UCHL3: variants seen among roughly 807,000 people sequenced by gnomAD.
The protein encoded by UCHL3 is ubiquitin C-terminal hydrolase L3, also known as ubiquitin carboxyl-terminal hydrolase isozyme L3.
Under a neutral mutation model 35.8 loss-of-function variants are expected in UCHL3, and 22 were observed. The ratio of observed to expected loss-of-function variants is 0.61; its 90% CI spans 0.44 to 0.88. The LOEUF (loss-of-function observed/expected upper bound fraction) is 0.88, where lower values mean the gene tolerates loss of function less well. Among genes scored for constraint, UCHL3 ranks in the 40% least tolerant of loss-of-function variants. UCHL3 has a pLI of 0.00. For missense variants in UCHL3, 229 were observed against 276.9 expected (o/e 0.83, Z 1.23); for synonymous variants, 90 against 92.8 (o/e 0.97, Z 0.17).
intron 7 of UCHL3, among the ~76,000 whole-genome samples, chr13:75,598,491 T>G (rs1017624254): frequency 3.9e-5 from 6 of 152,234 alleles, no homozygotes; most frequent in Admixed American, 3.9e-4. Context: ...GTCATGTTTC[T>G]TTGTCTTCTT....
At chr13:75,577,553 C>G (rs1199300204) in intron 6 of UCHL3, among the ~76,000 whole-genome samples, 1 of 152,274 alleles carries the variant, frequency 6.6e-6, no homozygotes, top group African/African-American at 2.4e-5. Context: ...TGTGTATTCA[C>G]TCCAACTGAG....
intron 3 of UCHL3, among the ~76,000 whole-genome samples, chr13:75,563,357 A>G (rs1257207517): frequency 6.6e-6 from 1 of 152,000 alleles, no homozygotes; most frequent in East Asian, 1.9e-4. Flanking sequence ...TTGTATTTTT[A>G]GTAGAGACAG....
At chr13:75,563,111 G>C (rs996879799) in intron 3 of UCHL3, among the ~76,000 whole-genome samples, 1 of 150,582 alleles carries the variant, frequency 6.6e-6, no homozygotes, top group Non-Finnish European at 1.5e-5. Flanking sequence ...AACTGTCATG[G>C]GTACCTCATT....
At chr13:75,589,937 GTCC>G (rs8192754) in intron 6 of UCHL3, 201,914 of 1,301,082 alleles carry the variant, frequency 0.16, 16,981 homozygotes, top group Middle Eastern at 0.29. Context: ...TAATTATGTA[GTCC>G]TCCTCGCCAT....
At chr13:75,583,293 A>G (rs941102320) in intron 6 of UCHL3, among the ~76,000 whole-genome samples, 2 of 152,172 alleles carry the variant, frequency 1.3e-5, no homozygotes, top group East Asian at 3.8e-4. Context: ...ATACAAACAC[A>G]CACACCCACA....
chr13:75,601,311 C>T (rs1395725293), intron 7 of UCHL3, among the ~76,000 whole-genome samples: 4 of 152,168 alleles, frequency 2.6e-5, no homozygotes, highest in East Asian at 1.9e-4. Flanking sequence ...AAGAAGTTCT[C>T]CTGTGGGTAA....
upstream of UCHL3, chr13:75,549,642 C>G (rs2030997192): frequency 1.8e-6 from 1 of 564,312 alleles, no homozygotes; most frequent in South Asian, 3.2e-5. Context: ...GACACTTGAC[C>G]TACGGCCCTG....
intron 3 of UCHL3, among the ~76,000 whole-genome samples, chr13:75,565,663 T>G (rs140342391): frequency 6.6e-6 from 1 of 152,232 alleles, no homozygotes; most frequent in African/African-American, 2.4e-5. Context: ...ATTTTACTTA[T>G]GAAAAGAGGC....
At chr13:75,601,254 G>A (rs546652379) in intron 7 of UCHL3, among the ~76,000 whole-genome samples, 1 of 152,320 alleles carries the variant, frequency 6.6e-6, no homozygotes, top group South Asian at 2.1e-4. Flanking sequence ...CATAAATGTA[G>A]TTGATAAAGC....
intron 6 of UCHL3, among the ~76,000 whole-genome samples, chr13:75,585,003 T>C (rs1465019254): frequency 6.6e-6 from 1 of 150,916 alleles, no homozygotes; most frequent in Non-Finnish European, 1.5e-5. Flanking sequence ...TTTCAAGTGA[T>C]GTAATATGTG....
intron 2 of UCHL3, among the ~76,000 whole-genome samples, chr13:75,558,175 G>A (rs2031355751): frequency 6.6e-6 from 1 of 152,042 alleles, no homozygotes; most frequent in South Asian, 2.1e-4. Context: ...TCATTTAATT[G>A]TTGATATGAG....
chr13:75,596,187 T>G (rs141213268), intron 7 of UCHL3, among the ~76,000 whole-genome samples: 118 of 152,280 alleles, frequency 7.7e-4, no homozygotes, highest in African/African-American at 2.7e-3. Context: ...GCATACTTTA[T>G]TAAAAAGAAA....
At chr13:75,551,055 T>C (rs138944407) in intron 2 of UCHL3, among the ~76,000 whole-genome samples, 1 of 152,324 alleles carries the variant, frequency 6.6e-6, no homozygotes, top group East Asian at 1.9e-4. Context: ...GAATCTATGT[T>C]GACTTTTCGC....
chr13:75,566,601 A>G (rs1031340952), intron 3 of UCHL3, 94 bp from the exon 4 acceptor site: 8 of 766,740 alleles, frequency 1.0e-5, no homozygotes, highest in Non-Finnish European at 3.7e-6. Context: ...TTTCATAATA[A>G]TATTTTTTAT....
At chr13:75,573,807 G>T (rs972269341) in intron 6 of UCHL3, among the ~76,000 whole-genome samples, 3 of 152,144 alleles carry the variant, frequency 2.0e-5, no homozygotes, top group African/African-American at 7.2e-5. Context: ...TGGCAGGGGG[G>T]ACACAATTCA....
Position 75,573,646 on chromosome 13 carries a change from T to G in UCHL3, c.474+4139T>G, listed in dbSNP as rs377629314. 2.6e-5 allele frequency among the ~76,000 whole-genome samples: 4 copies of G among 152,278 alleles called. No individual in the cohort carries two copies. The South Asian group carries it at 8.3e-4, about 32-fold the overall frequency. On this transcript the variant is annotated intron_variant, in intron 6 of 8. Transcript: ENST00000377595. ...GAGAGACGGGGAGAGAGAGATCAAT[T>G]GATCTGATGTCTCTTCCTGTTCTTA...
chr13:75,582,144 G>A (rs1214326254), intron 6 of UCHL3, among the ~76,000 whole-genome samples: 1 of 145,870 alleles, frequency 6.9e-6, no homozygotes, highest in Non-Finnish European at 1.5e-5. Context: ...AAACTGTCAT[G>A]CTTATGGTCT....
chr13:75,550,595 G>A (rs573131491), intron 2 of UCHL3, among the ~76,000 whole-genome samples: 54 of 152,040 alleles, frequency 3.6e-4, no homozygotes, highest in Non-Finnish European at 6.3e-4. Flanking sequence ...AGCAATTTAA[G>A]TTCCTTCTGG....
chr13:75,562,161 A>G (rs976972355), intron 3 of UCHL3, among the ~76,000 whole-genome samples: 1 of 152,134 alleles, frequency 6.6e-6, no homozygotes, highest in Admixed American at 6.5e-5. Flanking sequence ...AGTCCTGGAA[A>G]TTCCTGGATC....
Sources: gnomAD v4.1 joint callset for allele counts (sites outside exome capture counted in the v4.1 genomes callset) on GRCh38, gnomAD v4.1.1 for gene constraint, MANE v1.5 for transcripts, NCBI Gene and HGNC (gene_info 2026-07-23, HGNC 2026-07-21) for gene names.